PLEKHA6: variants seen among roughly 807,000 people sequenced by gnomAD.
PLEKHA6 encodes pleckstrin homology domain containing A6.
In PLEKHA6, 60 loss-of-function variants were observed where a neutral mutation model predicts 116.7. That is an observed-to-expected ratio of 0.51 (90% CI 0.42 to 0.64). The LOEUF is 0.64. Ranked by LOEUF, PLEKHA6 falls within the 30% of genes least tolerant of loss-of-function variation. PLEKHA6 has a pLI of 0.00. For missense variants in PLEKHA6, 1,338 were observed against 1,422.7 expected, an observed-to-expected ratio of 0.94 and a Z score of 0.96; for synonymous variants, 489 against 556.1, an observed-to-expected ratio of 0.88 and a Z score of 1.70.
At chr1:204,317,442 C>T (rs920678333) in intron 1 of PLEKHA6, among the ~76,000 whole-genome samples, 10 of 152,202 alleles carry the variant, frequency 6.6e-5, no homozygotes, top group Non-Finnish European at 1.0e-4. Flanking sequence ...CCTCCTCAGC[C>T]GGCTCTGAGG....
At chr1:204,244,725 ACCT>A in intron 15 of PLEKHA6, 136 bp downstream of exon 15, 1 of 564,706 alleles carries the variant, frequency 1.8e-6, no homozygotes. Flanking sequence ...TGTGAGAATG[ACCT>A]CCTTAAACAA....
At chr1:204,351,367 C>G (rs546173211) in intron 1 of PLEKHA6, among the ~76,000 whole-genome samples, 2 of 152,330 alleles carry the variant, frequency 1.3e-5, no homozygotes, top group African/African-American at 4.8e-5. Flanking sequence ...CCCCTCCCAC[C>G]TTCTCTACAG....
At position 204,319,562 on chromosome 1, in the gene PLEKHA6, C is replaced by A. The variant is rs373542536; in HGVS notation, c.-95+40132G>T. On this transcript the variant is annotated intron_variant, in intron 1 of 22. Transcript: ENST00000272203. The stretch of plus-strand genomic sequence containing the variant: ...CTTCTAGTCCCCATACATCCCCTGT[C>A]CCCACCCAACAGGAGTGGTCCCTCC... Among the ~76,000 whole-genome samples the A allele has an allele frequency of 5.3e-5, 8 of 152,260 alleles. No individual in the cohort carries two copies. The South Asian group carries it at 1.7e-3, about 32-fold the overall frequency.
At chr1:204,370,781 C>T (rs1407732430) in intron 2 of PLEKHA6, among the ~76,000 whole-genome samples, 2 of 152,120 alleles carry the variant, frequency 1.3e-5, no homozygotes, top group Non-Finnish European at 2.9e-5. Flanking sequence ...CATCTGGGCA[C>T]AGTGGCTCAC....
chr1:204,289,871 G>T (rs1021139295), intron 1 of PLEKHA6, among the ~76,000 whole-genome samples: 2 of 152,014 alleles, frequency 1.3e-5, no homozygotes, highest in Non-Finnish European at 2.9e-5. Flanking sequence ...AGGATACAAA[G>T]TCTATATAGA....
At chr1:204,348,163 T>G (rs1417335061) in intron 1 of PLEKHA6, among the ~76,000 whole-genome samples, 2 of 152,184 alleles carry the variant, frequency 1.3e-5, no homozygotes, top group Non-Finnish European at 2.9e-5. Context: ...GCTCTCATTT[T>G]TACAGTTGGA....
intron 1 of PLEKHA6, among the ~76,000 whole-genome samples, chr1:204,294,258 C>T (rs1670052999): frequency 6.6e-6 from 1 of 152,178 alleles, no homozygotes; most frequent in African/African-American, 2.4e-5. Flanking sequence ...GCTGGTTGGA[C>T]ATTTCTTCTT....
At chr1:204,273,806 CT>C in intron 2 of PLEKHA6, 66 bp from the exon 3 acceptor site, 4 of 1,110,994 alleles carry the variant, frequency 3.6e-6, no homozygotes, top group Non-Finnish European at 5.4e-6. Flanking sequence ...ACAGCCCATC[CT>C]TTTTCCACAC....
chr1:204,305,720 G>C (rs1671235131), intron 1 of PLEKHA6, among the ~76,000 whole-genome samples: 1 of 152,170 alleles, frequency 6.6e-6, no homozygotes, highest in Non-Finnish European at 1.5e-5. Context: ...AAGATGCTAT[G>C]AATTCTATTT....
chr1:204,245,956 G>A (rs192268692), intron 13 of PLEKHA6, among the ~76,000 whole-genome samples: 6 of 152,240 alleles, frequency 3.9e-5, no homozygotes, highest in Admixed American at 6.5e-5. Context: ...AGAATTGCCC[G>A]AGTTTCTGAA....
At chr1:204,309,693 G>T in intron 1 of PLEKHA6, 1 of 914,114 alleles carries the variant, frequency 1.1e-6, no homozygotes, top group Non-Finnish European at 1.3e-6. Flanking sequence ...AGAAGGAACT[G>T]TACAAGATAT....
At chr1:204,349,105 G>A (rs1284600169) in intron 1 of PLEKHA6, among the ~76,000 whole-genome samples, 1 of 152,130 alleles carries the variant, frequency 6.6e-6, no homozygotes, top group East Asian at 1.9e-4. Context: ...CTCAGTCCCA[G>A]CCTCTGCAGT....
At chr1:204,280,305 C>T (rs1572042450) in intron 1 of PLEKHA6, 1 of 985,250 alleles carries the variant, frequency 1.0e-6, no homozygotes, top group Admixed American at 6.2e-5. Context: ...TCAAGAGTGG[C>T]AAAATTAATC....
chr1:204,295,956 C>T (rs1403410140), intron 1 of PLEKHA6, among the ~76,000 whole-genome samples: 8 of 152,112 alleles, frequency 5.3e-5, no homozygotes, highest in Non-Finnish European at 8.8e-5. Context: ...CACAAACACA[C>T]GTGGGAAGAT....
At chr1:204,270,184 C>A (rs1031222469) in intron 3 of PLEKHA6, among the ~76,000 whole-genome samples, 13 of 152,176 alleles carry the variant, frequency 8.5e-5, no homozygotes, top group Non-Finnish European at 1.6e-4. Context: ...CCTTTCAATA[C>A]CTCCATCTGT....
chr1:204,275,729 A>G, intron 1 of PLEKHA6: 1 of 985,038 alleles, frequency 1.0e-6, no homozygotes, highest in Non-Finnish European at 1.2e-6. Flanking sequence ...CATAATGGCA[A>G]CCCCCAAGAT....
In PLEKHA6 at chr1:204,248,889, G is replaced by A. The variant is rs1558059010; in HGVS notation, c.1756C>T (p.Arg586Ter). 3.1e-6 allele frequency: 5 copies of A among 1,613,926 alleles called. No homozygotes were observed. The highest frequency in any genetic ancestry group is 3.4e-6 in the Non-Finnish European group (4 of 1,179,952). ...TTCTGCAGTGAATCCTTTTTGTGTCGCAGCTTTTCTGGGTAGGCGGGCTGG... is the reference window on the plus strand; with the variant it reads ...TTCTGCAGTGAATCCTTTTTGTGTCACAGCTTTTCTGGGTAGGCGGGCTGG... ...GSQPAYPEKL[R>*]HKKDSLQNQL... is the part of the protein sequence containing the mutation. The change falls in exon 12 of 23, where the codon CGA becomes TGA. Residue 586 changes from arginine to a stop codon, truncating the protein, a stop_gained. Transcript: ENST00000272203. LOFTEE classifies it high-confidence loss of function.
chr1:204,316,503 G>T (rs1671866106), intron 1 of PLEKHA6, among the ~76,000 whole-genome samples: 1 of 152,218 alleles, frequency 6.6e-6, no homozygotes, highest in African/African-American at 2.4e-5. Context: ...TGTGGGGGTA[G>T]GGTTCACTCA....
At chr1:204,366,645 C>A (rs1248358116) in intron 3 of PLEKHA6, among the ~76,000 whole-genome samples, 3 of 152,130 alleles carry the variant, frequency 2.0e-5, no homozygotes, top group African/African-American at 7.2e-5. Flanking sequence ...CCTGTAGTCC[C>A]AGCTACTCAG....
Sources: gnomAD v4.1 joint callset for allele counts (sites outside exome capture counted in the v4.1 genomes callset) on GRCh38, gnomAD v4.1.1 for gene constraint, MANE v1.5 for transcripts, NCBI Gene and HGNC (gene_info 2026-07-23, HGNC 2026-07-21) for gene names.